TTC6: variants seen among roughly 807,000 people sequenced by gnomAD.
The protein encoded by TTC6 is tetratricopeptide repeat protein 6.
TTC6 carries 172 observed loss-of-function variants against 210.4 expected under a neutral mutation model. That is an observed-to-expected ratio of 0.82 (90% CI 0.72 to 0.93). The LOEUF is 0.93. Among genes scored for constraint, TTC6 ranks in the 40% least tolerant of loss-of-function variants. The pLI, the probability that TTC6 is intolerant of heterozygous loss-of-function variation, is 0.00. For synonymous variants in TTC6, 804 were observed against 819.6 expected (o/e 0.98, Z 0.32); for missense variants, 2,414 against 2,318.1 (o/e 1.04, Z -0.85).
intron 1 of TTC6, among the ~76,000 whole-genome samples, chr14:37,665,529 G>A (rs964641531): frequency 6.7e-6 from 1 of 150,246 alleles, no homozygotes; most frequent in Admixed American, 6.6e-5. Flanking sequence ...GCACCAGGAA[G>A]AACAGCTAAT....
intron 7 of TTC6, among the ~76,000 whole-genome samples, chr14:37,735,149 G>T (rs2095898153): frequency 6.6e-6 from 1 of 152,028 alleles, no homozygotes; most frequent in African/African-American, 2.4e-5. Flanking sequence ...CTCAATGCTT[G>T]GTGATTCCTA....
chr14:37,757,757 G>A (rs146795480), intron 14 of TTC6, among the ~76,000 whole-genome samples: 15 of 151,966 alleles, frequency 9.9e-5, no homozygotes, highest in Non-Finnish European at 1.8e-4. Context: ...TGCTTCTCCA[G>A]TTCTTTTAAT....
In TTC6 at chr14:37,622,232, C is replaced by CCCGG; in HGVS notation, c.170_171insGGCC (p.Gly58AlafsTer24). Reference sequence around the variant, plus strand: ...AAAGCCCAGTCCACAGCCTCCATGCCCCCGGCCCGGCCCGCCCCGCGCGCG... The same window carrying CCCGG: ...AAAGCCCAGTCCACAGCCTCCATGCCCCGGCCCGGCCCGGCCCGCCCCGCGCGCG... On this transcript the variant is annotated frameshift_variant, in exon 1 of 31. Transcript: ENST00000553443. LOFTEE classifies it high-confidence loss of function. 6.5e-7 allele frequency: 1 copy of CCCGG among 1,535,500 alleles called. No individual in the cohort carries two copies.
chr14:37,619,793 T>G (rs1262328982), upstream of TTC6, among the ~76,000 whole-genome samples: 3 of 80,450 alleles, frequency 3.7e-5, no homozygotes, highest in Non-Finnish European at 8.1e-5. Context: ...ATGTTTTCCA[T>G]TTTTTTTTTT....
intron 6 of TTC6, among the ~76,000 whole-genome samples, chr14:37,722,510 G>T (rs1279732476): frequency 6.6e-6 from 1 of 152,072 alleles, no homozygotes; most frequent in South Asian, 2.1e-4. Flanking sequence ...ATTACACCTG[G>T]CTAATTTTTA....
At chr14:37,796,511 G>A in intron 19 of TTC6, 141 bp downstream of exon 21, 1 of 533,224 alleles carries the variant, frequency 1.9e-6, no homozygotes, top group Non-Finnish European at 3.3e-6. Flanking sequence ...TATGTACATT[G>A]CCAATTAGTA....
exon 4 of TTC6, chr14:37,696,828 C>A: frequency 2.3e-6 from 3 of 1,329,766 alleles, no homozygotes. Context: ...TAAAAAACTA[C>A]ATAAAAAGTA....
At chr14:37,755,281 C>CT (rs1346813461) in intron 14 of TTC6, among the ~76,000 whole-genome samples, 1 of 151,974 alleles carries the variant, frequency 6.6e-6, no homozygotes, top group African/African-American at 2.4e-5. Flanking sequence ...GATATTAGAC[C>CT]TTTGTCAGAT....
At chr14:37,647,106 T>G (rs177858) in intron 1 of TTC6, among the ~76,000 whole-genome samples, 31,281 of 152,086 alleles carry the variant, frequency 0.21, 3,527 homozygotes, top group South Asian at 0.27. Context: ...GGCCAGAAAT[T>G]TCTAAATGTT....
At chr14:37,678,182 G>C (rs10083306) in intron 1 of TTC6, among the ~76,000 whole-genome samples, 95,901 of 151,982 alleles carry the variant, frequency 0.63, 30,425 homozygotes, top group East Asian at 0.85. Flanking sequence ...AGAGCAGTTT[G>C]ATTTTTTCAA....
intron 1 of TTC6, among the ~76,000 whole-genome samples, chr14:37,624,201 T>TAG (rs1294447060): frequency 3.3e-5 from 5 of 152,180 alleles, no homozygotes; most frequent in African/African-American, 1.2e-4. Context: ...GTATGACAAA[T>TAG]GTTCTGAGTT....
At chr14:37,812,470 A>G in intron 25 of TTC6, 37 bp downstream of exon 27, 1 of 1,526,868 alleles carries the variant, frequency 6.5e-7, no homozygotes, top group South Asian at 1.3e-5. Context: ...TTGATTTTGC[A>G]CATTGACTTC....
intron 1 of TTC6, among the ~76,000 whole-genome samples, chr14:37,599,988 C>A (rs924179792): frequency 6.6e-6 from 1 of 152,202 alleles, no homozygotes; most frequent in African/African-American, 2.4e-5. Flanking sequence ...GCCGATCCCC[C>A]TCCTGGGGAG....
At chr14:37,691,022 T>G (rs76992567) in intron 3 of TTC6, among the ~76,000 whole-genome samples, 4,427 of 152,116 alleles carry the variant, frequency 0.029, 158 homozygotes, top group African/African-American at 0.086. Flanking sequence ...ATTAAACATT[T>G]TCTCTGACCA....
intron 2 of TTC6, among the ~76,000 whole-genome samples, chr14:37,613,374 T>TA (rs2095637653): frequency 6.6e-6 from 1 of 152,142 alleles, no homozygotes; most frequent in Non-Finnish European, 1.5e-5. Context: ...CAAAAATATA[T>TA]TTTTGGATTT....
At chr14:37,722,975 T>G (rs893927794) in intron 6 of TTC6, among the ~76,000 whole-genome samples, 29 of 152,200 alleles carry the variant, frequency 1.9e-4, no homozygotes, top group Admixed American at 1.0e-3. Flanking sequence ...CTCATTCATT[T>G]ATTTACTCAG....
chr14:37,793,222 A>G (rs1312788912), intron 17 of TTC6, among the ~76,000 whole-genome samples: 2 of 152,188 alleles, frequency 1.3e-5, no homozygotes, highest in Admixed American at 6.5e-5. Flanking sequence ...TTTAGAATAA[A>G]AGCTAAATTC....
At chr14:37,671,163 G>T (rs2095757416) in intron 1 of TTC6, among the ~76,000 whole-genome samples, 1 of 152,160 alleles carries the variant, frequency 6.6e-6, no homozygotes, top group Non-Finnish European at 1.5e-5. Context: ...CTGCTCCCAG[G>T]ATGCCTCAGT....
intron 1 of TTC6, among the ~76,000 whole-genome samples, chr14:37,625,925 C>A (rs1049110166): frequency 3.3e-5 from 5 of 152,206 alleles, no homozygotes; most frequent in African/African-American, 1.2e-4. Context: ...ACCAGGATTT[C>A]TCAACATTGG....
Sources: allele counts gnomAD v4.1 joint callset (sites outside exome capture counted in the v4.1 genomes callset), GRCh38; gene constraint gnomAD v4.1.1; transcripts MANE v1.5; gene names NCBI Gene and HGNC (gene_info 2026-07-23, HGNC 2026-07-21).